ARB2A: variants seen among roughly 807,000 people sequenced by gnomAD.
ARB2A encodes cotranscriptional regulator ARB2A.
At chr5:93,830,168 G>A in the ARB2A span, among the ~76,000 whole-genome samples, 2 of 151,130 alleles carry the variant, frequency 1.3e-5, no homozygotes, top group Non-Finnish European at 2.9e-5. Flanking sequence ...AACAAAATAG[G>A]AAAGTTACCA....
At chr5:93,763,767 A>T in the ARB2A span, among the ~76,000 whole-genome samples, 1 of 152,166 alleles carries the variant, frequency 6.6e-6, no homozygotes, top group Non-Finnish European at 1.5e-5. Flanking sequence ...ACCGCAGCAC[A>T]CCTATTCCAA....
At chr5:93,809,025 G>A in the ARB2A span, among the ~76,000 whole-genome samples, 1 of 151,930 alleles carries the variant, frequency 6.6e-6, no homozygotes, top group Admixed American at 6.6e-5. Flanking sequence ...AAATTTAGCT[G>A]TAGATGTACT....
chr5:93,688,263 C>T, the ARB2A span, among the ~76,000 whole-genome samples: 4 of 152,182 alleles, frequency 2.6e-5, no homozygotes, highest in African/African-American at 4.8e-5. Context: ...CGTAAGCCAC[C>T]GCGCCTGGCC....
the ARB2A span, among the ~76,000 whole-genome samples, chr5:93,970,439 A>G: frequency 3.3e-5 from 5 of 152,166 alleles, no homozygotes; most frequent in African/African-American, 9.6e-5. Context: ...ACATTAGAAG[A>G]AATCATTTTT....
At chr5:93,959,766 AT>A in the ARB2A span, among the ~76,000 whole-genome samples, 1 of 152,304 alleles carries the variant, frequency 6.6e-6, no homozygotes, top group South Asian at 2.1e-4. Context: ...ATTGTACTTA[AT>A]ATTTAGATTG....
the ARB2A span, among the ~76,000 whole-genome samples, chr5:93,832,058 T>C: frequency 6.6e-6 from 1 of 152,200 alleles, no homozygotes; most frequent in South Asian, 2.1e-4. Flanking sequence ...CCACACTTGA[T>C]ATCCATTGAC....
At chr5:93,790,221 G>A in the ARB2A span, among the ~76,000 whole-genome samples, 1 of 152,092 alleles carries the variant, frequency 6.6e-6, no homozygotes, top group Non-Finnish European at 1.5e-5. Context: ...AGTACTAAAT[G>A]AACAAACTGA....
chr5:93,683,126 T>C, the ARB2A span: 1 of 1,533,446 alleles, frequency 6.5e-7, no homozygotes, highest in Admixed American at 1.7e-5. Context: ...GGCTGGAGTA[T>C]CTCGTATAGA....
At chr5:93,751,406 T>C in the ARB2A span, among the ~76,000 whole-genome samples, 4 of 152,202 alleles carry the variant, frequency 2.6e-5, no homozygotes, top group South Asian at 2.1e-4. Context: ...TCTCAAAGAA[T>C]ACTTAGACAT....
the ARB2A span, chr5:93,861,798 T>C: frequency 1.3e-5 from 2 of 152,238 alleles, no homozygotes; most frequent in Non-Finnish European, 2.9e-5. Context: ...ACCTGCTTTG[T>C]TCTTCCCATA....
the ARB2A span, among the ~76,000 whole-genome samples, chr5:93,768,040 A>T: frequency 6.7e-6 from 1 of 149,072 alleles, no homozygotes; most frequent in African/African-American, 2.5e-5. Flanking sequence ...AATTAACAGC[A>T]TTTGCACCAA....
chr5:93,726,937 C>T, the ARB2A span, among the ~76,000 whole-genome samples: 3 of 151,942 alleles, frequency 2.0e-5, no homozygotes, highest in African/African-American at 7.2e-5. Context: ...CATGTAAATG[C>T]TGTAGATCAC....
At chr5:93,887,172 G>A in the ARB2A span, among the ~76,000 whole-genome samples, 2 of 151,334 alleles carry the variant, frequency 1.3e-5, no homozygotes, top group Admixed American at 6.6e-5. Flanking sequence ...AGAGGTCAGG[G>A]TCACACTGCA....
the ARB2A span, chr5:93,740,706 T>G: frequency 5.6e-6 from 9 of 1,613,572 alleles, no homozygotes; most frequent in Non-Finnish European, 7.6e-6. Flanking sequence ...CTGGTGCTCC[T>G]GGGCAAGGAG....
chr5:93,858,963 G>T, the ARB2A span, among the ~76,000 whole-genome samples: 2 of 152,032 alleles, frequency 1.3e-5, no homozygotes, highest in African/African-American at 4.8e-5. Context: ...GGAAGGAAGA[G>T]GATAGAAGAT....
chr5:93,994,708 C>A, the ARB2A span, among the ~76,000 whole-genome samples: 4 of 151,588 alleles, frequency 2.6e-5, no homozygotes, highest in South Asian at 6.2e-4. Context: ...AATTAAGAAG[C>A]CTGGGCAACA....
At chr5:93,986,407 G>A in the ARB2A span, among the ~76,000 whole-genome samples, 2 of 150,820 alleles carry the variant, frequency 1.3e-5, no homozygotes, top group South Asian at 4.2e-4. Context: ...GGGAGGTGGG[G>A]GGCGCCTCTG....
the ARB2A span, among the ~76,000 whole-genome samples, chr5:93,679,691 C>T: frequency 1.3e-5 from 2 of 151,908 alleles, no homozygotes; most frequent in Non-Finnish European, 2.9e-5. Flanking sequence ...CATAAAAAAG[C>T]CTTAAGGGCA....
chr5:93,875,522 C>T, the ARB2A span, among the ~76,000 whole-genome samples: 7 of 152,152 alleles, frequency 4.6e-5, no homozygotes, highest in Non-Finnish European at 8.8e-5. Context: ...TGAGCCACTG[C>T]AACCCAGCCT....
Sources: gnomAD v4.1 joint callset for allele counts (sites outside exome capture counted in the v4.1 genomes callset) on GRCh38, gnomAD v4.1.1 for gene constraint, MANE v1.5 for transcripts, NCBI Gene and HGNC (gene_info 2026-07-23, HGNC 2026-07-21) for gene names.